BORA: variants seen among roughly 807,000 people sequenced by gnomAD.
BORA encodes the protein BORA aurora kinase A activator.
Under a neutral mutation model 55.8 loss-of-function variants are expected in BORA, and 26 were observed. The ratio of observed to expected loss-of-function variants is 0.47; its 90% confidence interval spans 0.34 to 0.65. The LOEUF is 0.65. Among genes scored for constraint, BORA ranks in the 30% least tolerant of loss-of-function variants. BORA has a pLI of 0.01. For missense variants in BORA, 568 were observed against 671.5 expected (o/e 0.85, Z 1.70); for synonymous variants, 201 against 216.9 (o/e 0.93, Z 0.64).
chr13:72,746,813 A>G lies in BORA; in HGVS notation c.1184A>G (p.His395Arg), dbSNP rs779471314. The G allele has an allele frequency of 2.0e-5, 32 of 1,614,204 alleles. No individual in the cohort carries two copies. The highest frequency in any genetic ancestry group is 2.5e-5 in the Non-Finnish European group (30 of 1,180,022). The change falls in exon 10 of 12, where the codon CAT (histidine) becomes CGT (arginine). Residue 395 changes from histidine (H) to arginine (R), a missense_variant. Transcript: ENST00000390667. Reference protein sequence around the residue: ...LRQFSNEASTHGTHLVVTAMS... With the variant: ...LRQFSNEASTRGTHLVVTAMS... Reference sequence around the variant, plus strand: ...CAGTTTAGTAATGAGGCTTCTACCCATGGTACACATTTGGTTGTGACTGCC... The same window carrying G: ...CAGTTTAGTAATGAGGCTTCTACCCGTGGTACACATTTGGTTGTGACTGCC...
rs554109404 is a variant in BORA, at chr13:72,741,126, TTGAG to T, written c.389-2406_389-2403del. On this transcript the variant is annotated intron_variant, in intron 5 of 11. Coordinates refer to ENST00000390667, the MANE Select transcript of BORA (RefSeq NM_024808.5). Reference sequence around the variant, plus strand: ...TCCTCATGTGTTTTTATTTATGGACTTGAGTGAGAATTTCCCTGGGATATATACG... The same window carrying T: ...TCCTCATGTGTTTTTATTTATGGACTTGAGAATTTCCCTGGGATATATACG... Among the ~76,000 whole-genome samples the T allele has an allele frequency of 2.3e-3, 349 of 152,310 alleles. 1 individual carries two copies. The highest frequency in any genetic ancestry group is 4.1e-3 in the Non-Finnish European group (277 of 68,020).
At chr13:72,739,874 C>T (rs1212253743) in intron 5 of BORA, among the ~76,000 whole-genome samples, 1 of 152,098 alleles carries the variant, frequency 6.6e-6, no homozygotes, top group Non-Finnish European at 1.5e-5. Context: ...CATGGGCCAA[C>T]GCCTTTATTG....
chr13:72,741,384 A>G (rs1006428019), intron 5 of BORA, among the ~76,000 whole-genome samples: 1 of 152,166 alleles, frequency 6.6e-6, no homozygotes, highest in African/African-American at 2.4e-5. Context: ...TTTTGTCTTC[A>G]TAGACTAATG....
intron 9 of BORA, 105 bp from the exon 10 acceptor site, chr13:72,746,396 C>G: frequency 7.6e-7 from 1 of 1,311,824 alleles, no homozygotes; most frequent in South Asian, 1.5e-5. Context: ...ACAACTGTTA[C>G]AGAAATGCAG....
intron 4 of BORA, among the ~76,000 whole-genome samples, chr13:72,735,533 T>TA (rs1471077344): frequency 7.2e-5 from 11 of 152,174 alleles, no homozygotes; most frequent in African/African-American, 2.7e-4. Flanking sequence ...TTCTAAAAAA[T>TA]AAAAATAATT....
At chr13:72,729,284 A>AT (rs11358027) in intron 2 of BORA, among the ~76,000 whole-genome samples, 191 bp downstream of exon 2, 4 of 149,924 alleles carry the variant, frequency 2.7e-5, no homozygotes, top group African/African-American at 7.3e-5. Flanking sequence ...TAGCTAGAAG[A>AT]TTTTTTTTTT....
chr13:72,755,229 A>G lies in BORA; in HGVS notation c.*13A>G, dbSNP rs1240675183. 1 of 1,598,444 alleles carries G rather than the reference A, an allele frequency of 6.3e-7. No individual in the cohort carries two copies. The stretch of plus-strand genomic sequence containing the variant: ...CAGCAGTCCATAGAATGCCTCTGTC[A>G]GAATCAAAGACTAAGCTTAAGAGTT... On this transcript the variant is annotated 3_prime_UTR_variant, in exon 12 of 12. Transcript: ENST00000390667.
At chr13:72,746,427 G>C in intron 9 of BORA, 74 bp from the exon 10 acceptor site, 1 of 1,475,768 alleles carries the variant, frequency 6.8e-7, no homozygotes, top group East Asian at 2.3e-5. Flanking sequence ...CATGAAACAT[G>C]ATTACCATTT....
At chr13:72,750,953 C>T (rs978127430) in intron 10 of BORA, among the ~76,000 whole-genome samples, 26 of 151,986 alleles carry the variant, frequency 1.7e-4, no homozygotes, top group Admixed American at 4.6e-4. Context: ...AGTTGAGGCG[C>T]GAGCATGGCA....
intron 6 of BORA, among the ~76,000 whole-genome samples, chr13:72,744,180 TC>T (rs979890155): frequency 6.6e-6 from 1 of 152,238 alleles, no homozygotes; most frequent in African/African-American, 2.4e-5. Flanking sequence ...TGAATTGATT[TC>T]TGGTCTTGGA....
At chr13:72,738,699 A>G (rs2032980959) in intron 5 of BORA, among the ~76,000 whole-genome samples, 1 of 152,162 alleles carries the variant, frequency 6.6e-6, no homozygotes, top group Admixed American at 6.5e-5. Flanking sequence ...CTCTCAGTAT[A>G]AGAGGGAATG....
chr13:72,747,751 T>C (rs2033180647), intron 10 of BORA, among the ~76,000 whole-genome samples: 1 of 152,136 alleles, frequency 6.6e-6, no homozygotes, highest in Non-Finnish European at 1.5e-5. Context: ...CAGGCTGGTC[T>C]CGAACTCATG....
intron 5 of BORA, among the ~76,000 whole-genome samples, chr13:72,742,553 AATC>A (rs1277946892): frequency 6.6e-6 from 1 of 151,970 alleles, no homozygotes; most frequent in Admixed American, 6.6e-5. Flanking sequence ...CATGAAGAGT[AATC>A]ATCATTTCCT....
At chr13:72,739,854 G>A (rs1474721668) in intron 5 of BORA, among the ~76,000 whole-genome samples, 1 of 152,190 alleles carries the variant, frequency 6.6e-6, no homozygotes, top group Non-Finnish European at 1.5e-5. Context: ...GGAAGAGAGA[G>A]AAAGGGACCC....
At position 72,756,189 on chromosome 13, in the gene BORA, G is replaced by A; in HGVS notation, c.*973G>A. 1 of 41,274 alleles carries A rather than the reference G, an allele frequency of 2.4e-5. No homozygotes were observed. The highest frequency in any genetic ancestry group is 2.7e-4 in the African/African-American group (1 of 3,670). The allele number at this position is 41,274 out of a possible 1,614,324, so 2.6% of individuals were successfully genotyped here. A position where few individuals can be genotyped will look rare whatever the true frequency, so the allele number is the denominator to read the frequency against. ...CATTCAAAAGGGAATAAAGACCTGT[G>A]TTATCAATGTGTCATTTTCTTCTTT... is the stretch of plus-strand genomic sequence containing the variant. On this transcript the variant is annotated 3_prime_UTR_variant, in exon 12 of 12. Transcript: ENST00000390667.
chr13:72,730,015 G>A (rs542678250), intron 2 of BORA, among the ~76,000 whole-genome samples: 1 of 150,778 alleles, frequency 6.6e-6, no homozygotes, highest in East Asian at 2.0e-4. Flanking sequence ...GGCTGATCTC[G>A]AACTCCTGAC....
chr13:72,743,500 A>G (rs1566224801), intron 5 of BORA, 37 bp from the exon 6 acceptor site: 2 of 1,502,348 alleles, frequency 1.3e-6, no homozygotes, highest in East Asian at 2.3e-5. Flanking sequence ...AATGAAGAGT[A>G]TAAAACATAG....
intron 8 of BORA, 65 bp downstream of exon 8, chr13:72,745,272 T>G: frequency 7.2e-7 from 1 of 1,384,690 alleles, no homozygotes; most frequent in Non-Finnish European, 1.0e-6. Context: ...ATTTTGTTGT[T>G]GTTCTATCTT....
intron 10 of BORA, among the ~76,000 whole-genome samples, chr13:72,747,878 C>T (rs1258091464): frequency 6.6e-6 from 1 of 152,076 alleles, no homozygotes; most frequent in Non-Finnish European, 1.5e-5. Context: ...CTTTTAGAAA[C>T]ATGATTTATA....
Sources: allele counts gnomAD v4.1 joint callset (sites outside exome capture counted in the v4.1 genomes callset), GRCh38; gene constraint gnomAD v4.1.1; transcripts MANE v1.5; gene names NCBI Gene and HGNC (gene_info 2026-07-23, HGNC 2026-07-21).